The following OR1J2 variants were observed in gnomAD, a reference collection of about 807,000 sequenced individuals.
OR1J2 encodes the protein olfactory receptor 1J2.
For synonymous variants in OR1J2, 142 were observed against 99.7 expected (o/e 1.42, Z -2.52); for missense variants, 304 against 246.1 (o/e 1.24, Z -1.57).
the OR1J2 span, among the ~76,000 whole-genome samples, chr9:122,552,538 C>T: frequency 2.0e-5 from 3 of 151,718 alleles, no homozygotes; most frequent in South Asian, 2.1e-4. Context: ...TATTTGTATG[C>T]GTGTGTGTGG....
the OR1J2 span, among the ~76,000 whole-genome samples, chr9:122,531,995 AG>A: frequency 6.7e-6 from 1 of 149,392 alleles, no homozygotes; most frequent in East Asian, 1.9e-4. Context: ...CAAATCCCTG[AG>A]CTTGATGTGT....
chr9:122,532,614 C>G, the OR1J2 span, among the ~76,000 whole-genome samples: 1 of 146,042 alleles, frequency 6.8e-6, no homozygotes, highest in African/African-American at 2.6e-5. Context: ...GTATATGCAT[C>G]AGGTGTGAGG....
At chr9:122,465,853 C>T in the OR1J2 span, among the ~76,000 whole-genome samples, 1 of 152,124 alleles carries the variant, frequency 6.6e-6, no homozygotes, top group Non-Finnish European at 1.5e-5. Context: ...CTCTGGATTC[C>T]TCAGCTCCCA....
At chr9:122,537,830 G>C in the OR1J2 span, among the ~76,000 whole-genome samples, 1 of 152,016 alleles carries the variant, frequency 6.6e-6, no homozygotes, top group Non-Finnish European at 1.5e-5. Context: ...AAAAGGAAGA[G>C]AACAGCTCTC....
At chr9:122,471,620 C>T in the OR1J2 span, among the ~76,000 whole-genome samples, 1 of 152,200 alleles carries the variant, frequency 6.6e-6, no homozygotes, top group Non-Finnish European at 1.5e-5. Context: ...TTACCTGATG[C>T]CCTAACCATG....
the OR1J2 span, among the ~76,000 whole-genome samples, chr9:122,497,597 T>G: frequency 1.6e-4 from 24 of 152,254 alleles, no homozygotes; most frequent in African/African-American, 5.8e-4. Context: ...TGGTATTTTT[T>G]ATTCTTTCAA....
chr9:122,468,740 CTG>C, the OR1J2 span, among the ~76,000 whole-genome samples: 1 of 152,232 alleles, frequency 6.6e-6, no homozygotes, highest in Non-Finnish European at 1.5e-5. Context: ...TCCTCCCTGA[CTG>C]TGTTTTTTCC....
At chr9:122,515,530 G>C (rs1828689512), downstream of OR1J2, among the ~76,000 whole-genome samples, 1 of 151,696 alleles carries the variant, frequency 6.6e-6, no homozygotes, top group African/African-American at 2.4e-5. Flanking sequence ...TGAGGGATAG[G>C]GCCAGCTGGT....
downstream of OR1J2, among the ~76,000 whole-genome samples, chr9:122,516,483 T>C (rs1234870944): frequency 1.3e-5 from 2 of 151,880 alleles, no homozygotes; most frequent in Non-Finnish European, 2.9e-5. Context: ...TTTTGTATTT[T>C]TAGTAGAGAC....
At chr9:122,539,759 C>T in the OR1J2 span, among the ~76,000 whole-genome samples, 15 of 152,328 alleles carry the variant, frequency 9.8e-5, no homozygotes, top group African/African-American at 3.6e-4. Context: ...TATTTCTCCA[C>T]ATCCTCTCCA....
At chr9:122,469,453 C>T in the OR1J2 span, among the ~76,000 whole-genome samples, 4 of 152,160 alleles carry the variant, frequency 2.6e-5, no homozygotes, top group African/African-American at 9.7e-5. Flanking sequence ...CTGAGGCCTC[C>T]CCAGTCATGG....
At chr9:122,509,593 A>G (rs1163384629), upstream of OR1J2, among the ~76,000 whole-genome samples, 6 of 152,336 alleles carry the variant, frequency 3.9e-5, no homozygotes, top group Non-Finnish European at 2.9e-5. Flanking sequence ...CACAACCACC[A>G]AGGGGAAGAA....
At chr9:122,480,121 G>A in the OR1J2 span, among the ~76,000 whole-genome samples, 1 of 151,952 alleles carries the variant, frequency 6.6e-6, no homozygotes, top group Non-Finnish European at 1.5e-5. Context: ...AAAAGAGAGG[G>A]CAGGGATTCA....
At chr9:122,524,074 C>T in the OR1J2 span, among the ~76,000 whole-genome samples, 1 of 152,130 alleles carries the variant, frequency 6.6e-6, no homozygotes, top group East Asian at 1.9e-4. Flanking sequence ...AGTCATGTGC[C>T]TCATAATGAT....
chr9:122,469,905 C>G, the OR1J2 span, among the ~76,000 whole-genome samples: 2,587 of 152,168 alleles, frequency 0.017, 32 homozygotes, highest in East Asian at 0.07. Flanking sequence ...GGGTACCTGG[C>G]AGAAGAAATT....
At chr9:122,579,471 G>C in the OR1J2 span, among the ~76,000 whole-genome samples, 1 of 152,068 alleles carries the variant, frequency 6.6e-6, no homozygotes, top group African/African-American at 2.4e-5. Flanking sequence ...CCTTGTACTG[G>C]AGCAAAAGGC....
the OR1J2 span, among the ~76,000 whole-genome samples, chr9:122,455,086 T>A: frequency 6.6e-6 from 1 of 152,262 alleles, no homozygotes; most frequent in Non-Finnish European, 1.5e-5. Context: ...TTTCATTATA[T>A]GAAGATGCCA....
the OR1J2 span, among the ~76,000 whole-genome samples, chr9:122,540,811 C>T: frequency 6.6e-6 from 1 of 152,140 alleles, no homozygotes; most frequent in Non-Finnish European, 1.5e-5. Context: ...GTTTGTAGCT[C>T]TCCTTGAAGA....
At chr9:122,574,961 G>A in the OR1J2 span, among the ~76,000 whole-genome samples, 6 of 152,080 alleles carry the variant, frequency 3.9e-5, no homozygotes, top group South Asian at 1.2e-3. Flanking sequence ...GTATTCATGT[G>A]GCTTTTCTTT....
Sources: gnomAD v4.1 joint callset for allele counts (sites outside exome capture counted in the v4.1 genomes callset) on GRCh38, gnomAD v4.1.1 for gene constraint, MANE v1.5 for transcripts, NCBI Gene and HGNC (gene_info 2026-07-23, HGNC 2026-07-21) for gene names.